Variants in SAMD12 observed in about 807,000 individuals in gnomAD.
SAMD12 encodes sterile alpha motif domain containing 12, also known as sterile alpha motif domain-containing protein 12.
In SAMD12, 9 loss-of-function variants were observed where a neutral mutation model predicts 15.0. That is an observed-to-expected ratio of 0.60 (90% CI 0.36 to 1.05). The LOEUF (loss-of-function observed/expected upper bound fraction) is 1.05, where lower values mean the gene tolerates loss of function less well. Ranked by LOEUF, SAMD12 falls within the 50% of genes least tolerant of loss-of-function variation. SAMD12 has a pLI of 0.01. For synonymous variants in SAMD12, 86 were observed against 90.1 expected (o/e 0.96, Z 0.25); for missense variants, 230 against 234.2 (o/e 0.98, Z 0.12).
intron 1 of SAMD12, among the ~76,000 whole-genome samples, chr8:118,605,591 T>A (rs2131305795): frequency 6.6e-6 from 1 of 152,160 alleles, no homozygotes; most frequent in Admixed American, 6.5e-5. Flanking sequence ...AATTATTTAA[T>A]CTTCTAGGCC....
rs150088941 is a variant in SAMD12, at chr8:118,594,215, G to C, written c.14-13322C>G. Among the ~76,000 whole-genome samples the C allele has an allele frequency of 3.7e-3, 565 of 151,916 alleles. 3 individuals carry two copies. The highest frequency in any genetic ancestry group is 0.013 in the African/African-American group (549 of 41,402). ...GAGATAAATATGTGAGGAAGCTCTC[G>C]GTGGTCCTCAGCAAAATGAAGAAAA... On this transcript the variant is annotated intron_variant, in intron 1 of 3. Coordinates refer to ENST00000314727, the MANE Select transcript of SAMD12 (RefSeq NM_207506.3).
chr8:118,147,801 G>T, the SAMD12 span, among the ~76,000 whole-genome samples: 2 of 152,174 alleles, frequency 1.3e-5, no homozygotes, highest in Non-Finnish European at 2.9e-5. Flanking sequence ...GCCCAGGCTG[G>T]AGTGGAGTGG....
intron 4 of SAMD12, among the ~76,000 whole-genome samples, chr8:118,343,008 C>A (rs1237572651): frequency 6.6e-6 from 1 of 152,126 alleles, no homozygotes; most frequent in Non-Finnish European, 1.5e-5. Context: ...AAATAGGGTT[C>A]TAGCTCTAAT....
chr8:118,525,753 T>TC (rs2131103270), intron 2 of SAMD12, among the ~76,000 whole-genome samples: 1 of 152,262 alleles, frequency 6.6e-6, no homozygotes, highest in South Asian at 2.1e-4. Context: ...CCTGCCCTGC[T>TC]CCTCCCAACC....
At chr8:118,479,982 C>G (rs1004721910) in intron 2 of SAMD12, among the ~76,000 whole-genome samples, 2 of 152,072 alleles carry the variant, frequency 1.3e-5, no homozygotes, top group Non-Finnish European at 2.9e-5. Context: ...TATTTAGATT[C>G]AATAGGCAAG....
chr8:118,585,896 G>T (rs1307291516), intron 1 of SAMD12, among the ~76,000 whole-genome samples: 1 of 152,212 alleles, frequency 6.6e-6, no homozygotes, highest in Non-Finnish European at 1.5e-5. Flanking sequence ...GTTGAGGGGT[G>T]CATTGGCATC....
chr8:118,613,328 T>C (rs1828153346), intron 1 of SAMD12, among the ~76,000 whole-genome samples: 2 of 152,220 alleles, frequency 1.3e-5, no homozygotes, highest in African/African-American at 4.8e-5. Flanking sequence ...GTTTCAATGG[T>C]ACTTTATCTT....
chr8:118,347,381 C>T (rs1043816564), intron 4 of SAMD12, among the ~76,000 whole-genome samples: 2 of 152,190 alleles, frequency 1.3e-5, no homozygotes, highest in African/African-American at 4.8e-5. Flanking sequence ...TGGGAACCCT[C>T]CCAAAACCCA....
the SAMD12 span, among the ~76,000 whole-genome samples, chr8:118,153,888 C>T: frequency 5.9e-5 from 9 of 152,022 alleles, no homozygotes; most frequent in African/African-American, 1.5e-4. Flanking sequence ...TTCTTCATCC[C>T]GTCATCCAAT....
chr8:118,306,315 A>G, intron 4 of SAMD12, among the ~76,000 whole-genome samples: 1 of 152,166 alleles, frequency 6.6e-6, no homozygotes, highest in East Asian at 1.9e-4. Context: ...TATATAATCC[A>G]TCTAATATGA....
intron 4 of SAMD12, among the ~76,000 whole-genome samples, chr8:118,356,814 G>C (rs1303372742): frequency 6.6e-6 from 1 of 152,084 alleles, no homozygotes; most frequent in Non-Finnish European, 1.5e-5. Context: ...CCTCAGCACA[G>C]GTGCCTCCAC....
In SAMD12 at chr8:118,491,523, G is replaced by A. The variant is rs575523383; in HGVS notation, c.193-51562C>T. Among the ~76,000 whole-genome samples, 9 of 152,246 alleles carry A rather than the reference G, an allele frequency of 5.9e-5. No individual in the cohort carries two copies. The South Asian group carries it at 1.7e-3, about 28-fold the overall frequency. On this transcript the variant is annotated intron_variant, in intron 2 of 3. Coordinates refer to ENST00000314727, the MANE Select transcript of SAMD12 (RefSeq NM_207506.3). ...CTAGAGTAAAACGTATAGATCCTAA[G>A]TGTTTTCTCCTATGTAACCAATACC...
chr8:118,323,021 G>A (rs1479033669), intron 4 of SAMD12, among the ~76,000 whole-genome samples: 1 of 152,144 alleles, frequency 6.6e-6, no homozygotes, highest in Admixed American at 6.5e-5. Context: ...CACAAGTGAT[G>A]TCTGTAACCT....
At chr8:118,357,117 G>T (rs1818268727) in intron 4 of SAMD12, among the ~76,000 whole-genome samples, 1 of 152,188 alleles carries the variant, frequency 6.6e-6, no homozygotes, top group South Asian at 2.1e-4. Context: ...TGTTTAAATT[G>T]AAAGGGAGAA....
At chr8:118,486,467 C>T (rs73317303) in intron 2 of SAMD12, among the ~76,000 whole-genome samples, 37,877 of 150,714 alleles carry the variant, frequency 0.25, 6,745 homozygotes, top group African/African-American at 0.51. Flanking sequence ...AGAGCTGTGA[C>T]GTGAAGGCTT....
intron 4 of SAMD12, among the ~76,000 whole-genome samples, chr8:118,255,111 T>C (rs960302407): frequency 6.6e-6 from 1 of 151,976 alleles, no homozygotes; most frequent in African/African-American, 2.4e-5. Context: ...ATCACTGTGA[T>C]GAAACCAATA....
the SAMD12 span, among the ~76,000 whole-genome samples, chr8:118,183,888 C>G: frequency 2.6e-5 from 4 of 152,044 alleles, no homozygotes; most frequent in Non-Finnish European, 5.9e-5. Context: ...CCTTTGCATA[C>G]CCATAGCTTA....
chr8:118,420,810 G>A (rs1000687221), intron 3 of SAMD12, among the ~76,000 whole-genome samples: 2 of 152,154 alleles, frequency 1.3e-5, no homozygotes, highest in African/African-American at 4.8e-5. Flanking sequence ...ATATCACTAA[G>A]GAAACAGATT....
intron 4 of SAMD12, among the ~76,000 whole-genome samples, chr8:118,233,449 C>A (rs1367258834): frequency 6.6e-6 from 1 of 152,098 alleles, no homozygotes; most frequent in Non-Finnish European, 1.5e-5. Context: ...AGTTTTGGAA[C>A]CTGAAATGGG....
Sources: gnomAD v4.1 joint callset for allele counts (sites outside exome capture counted in the v4.1 genomes callset) on GRCh38, gnomAD v4.1.1 for gene constraint, MANE v1.5 for transcripts, NCBI Gene and HGNC (gene_info 2026-07-23, HGNC 2026-07-21) for gene names.